The following RNF213 variants were observed in gnomAD, a reference collection of about 807,000 sequenced individuals.
RNF213 encodes the protein E3 ubiquitin-protein ligase RNF213.
A neutral mutation model predicts 514.4 loss-of-function variants in RNF213; 341 were observed. That is an observed-to-expected ratio of 0.66 (90% CI 0.61 to 0.73). RNF213 has a LOEUF of 0.73. RNF213 is among the 30% of genes least tolerant of loss of function. RNF213 has a pLI of 0.00. For synonymous variants in RNF213, 2,655 were observed against 2,658.2 expected (o/e 1.00, Z 0.04); for missense variants, 5,767 against 6,615.6 (o/e 0.87, Z 4.45).
chr17:80,349,503 G>C (rs1022123622), intron 29 of RNF213, among the ~76,000 whole-genome samples: 8 of 152,188 alleles, frequency 5.3e-5, no homozygotes, highest in Non-Finnish European at 7.3e-5. Flanking sequence ...GGACCAAGCA[G>C]GCAGAGACAC....
chr17:80,305,574 G>A (rs1055149004), intron 11 of RNF213, among the ~76,000 whole-genome samples: 4 of 151,220 alleles, frequency 2.6e-5, no homozygotes, highest in Admixed American at 6.6e-5. Flanking sequence ...TTCTTATTCC[G>A]TATTCTGAAT....
Position 80,383,058 on chromosome 17 carries a change from T to C in RNF213, c.14058T>C (p.Ser4686=). Residue 4686 remains serine, a synonymous_variant, in exon 58 of 68, where the codon TCT becomes TCC. Coordinates refer to ENST00000582970, the MANE Select transcript of RNF213 (RefSeq NM_001256071.3). The part of the protein sequence containing the change: ...NWEKEIAAVI[S]PELEHLDKTL... Reference sequence around the variant, plus strand: ...AAAAGGAAATCGCAGCTGTGATTTCTCCTGAACTGGAGGTAAGCAGTAAGT... The same window carrying C: ...AAAAGGAAATCGCAGCTGTGATTTCCCCTGAACTGGAGGTAAGCAGTAAGT... 1 of 1,612,046 alleles carries C rather than the reference T, an allele frequency of 6.2e-7. No homozygotes were observed. The highest frequency in any genetic ancestry group is 1.7e-4 in the Middle Eastern group (1 of 6,050).
At chr17:80,340,609 G>GT (rs747785477) in intron 26 of RNF213, 7,125 of 129,182 alleles carry the variant, frequency 0.055, 602 homozygotes, top group South Asian at 0.072. Flanking sequence ...GTACTTTGTG[G>GT]TTTTTTTTTT....
At chr17:80,313,226 C>A (rs1376070637) in intron 15 of RNF213, 59 bp downstream of exon 15, 1 of 1,602,244 alleles carries the variant, frequency 6.2e-7, no homozygotes, top group Admixed American at 1.7e-5. Flanking sequence ...TTCCTCATGG[C>A]CTCAAATCAT....
intron 36 of RNF213, 86 bp from the exon 37 acceptor site, chr17:80,358,202 C>G (rs2078904782): frequency 2.5e-6 from 3 of 1,183,366 alleles, no homozygotes; most frequent in Non-Finnish European, 3.8e-6. Context: ...TGTTAATGCT[C>G]AAGAAGGAAC....
chr17:80,358,284 G>A lies in RNF213; in HGVS notation c.10863-4G>A, dbSNP rs2078908229. On this transcript the variant is annotated splice_polypyrimidine_tract_variant and splice_region_variant and intron_variant, in intron 36 of 67. Transcript: ENST00000582970. ...TGGTGGCCCATCTCTCTTCTGTGCT[G>A]CAGGCACACCCTCTGGAAGCGGGTC... is the stretch of plus-strand genomic sequence containing the variant. 2 of 1,613,562 alleles carry A rather than the reference G, an allele frequency of 1.2e-6. No individual in the cohort carries two copies. The highest frequency in any genetic ancestry group is 1.7e-6 in the Non-Finnish European group (2 of 1,179,818).
At position 80,346,786 on chromosome 17, in the gene RNF213, C is replaced by T; in HGVS notation, c.8451C>T (p.Gly2817=). The change falls in exon 29 of 68, where the codon GGC becomes GGT. Residue 2817 remains glycine, a synonymous_variant. Coordinates refer to ENST00000582970, the MANE Select transcript of RNF213 (RefSeq NM_001256071.3). The surrounding 1 kb of genome is among the most constrained non-coding windows in gnomAD (Gnocchi z 8.1). ...FQCSPHSTPQ[G]IISTFRQCAR... ...GCAGCCCGCACTCCACCCCACAGGG[C>T]ATCATCAGCACCTTCCGGCAGTGCG... The T allele has an allele frequency of 6.2e-7, 1 of 1,614,030 alleles. No homozygotes were observed. Among genetic ancestry groups the T allele is most frequent in the East Asian group, 2.2e-5 (1 of 44,880 alleles).
intron 2 of RNF213, among the ~76,000 whole-genome samples, chr17:80,270,226 C>T (rs2145123291): frequency 6.6e-6 from 1 of 152,368 alleles, no homozygotes; most frequent in Admixed American, 6.5e-5. Context: ...CTCCCTGGCT[C>T]TGCCACCCAG....
In RNF213 at chr17:80,345,567, G is replaced by A. The variant is rs768216512; in HGVS notation, c.7232G>A (p.Arg2411Gln). The A allele has an allele frequency of 2.2e-5, 36 of 1,613,396 alleles. No individual in the cohort carries two copies. Among genetic ancestry groups the A allele is most frequent in the East Asian group, 1.6e-4 (7 of 44,888 alleles). ...LKILAIEMRFRCGIPVIIMGE... is the reference protein window; with the variant it reads ...LKILAIEMRFQCGIPVIIMGE... The stretch of plus-strand genomic sequence containing the variant: ...ATCCTTGCCATCGAGATGCGGTTCC[G>A]GTGTGGGATCCCGGTTATCATCATG... The change falls in exon 29 of 68, where the codon CGG becomes CAG. Residue 2411 changes from arginine (R) to glutamine (Q), a missense_variant. Arg to Gln is a conservative substitution (Grantham distance 43). Transcript: ENST00000582970. This position sits in a 1 kb window ranked among gnomAD's most constrained non-coding sequence, Gnocchi z 6.0.
At position 80,346,971 on chromosome 17, in the gene RNF213, T is replaced by C; in HGVS notation, c.8636T>C (p.Val2879Ala). 1 of 1,613,526 alleles carries C rather than the reference T, an allele frequency of 6.2e-7. No homozygotes were observed. Among genetic ancestry groups the C allele is most frequent in the Non-Finnish European group, 8.5e-7 (1 of 1,179,762 alleles). The stretch of plus-strand genomic sequence containing the variant: ...GACGATCCCGCCCCCCACAAAAAGG[T>C]CGGCTTCGTGGGCATCTCCAACTGG... ...IEDDPAPHKK[V>A]GFVGISNWAL... is the part of the protein sequence containing the mutation. Residue 2879 changes from valine (V) to alanine (A), a missense_variant, in exon 29 of 68, where the codon GTC becomes GCC. This residue lies in a region of RNF213 where 919 missense variants were observed against 1,121.0 expected (regional missense o/e 0.82). Coordinates refer to ENST00000582970, the MANE Select transcript of RNF213 (RefSeq NM_001256071.3). This position sits in a 1 kb window ranked among gnomAD's most constrained non-coding sequence, Gnocchi z 8.1.
intron 26 of RNF213, among the ~76,000 whole-genome samples, chr17:80,342,701 C>T (rs1036143139): frequency 1.4e-5 from 2 of 142,992 alleles, no homozygotes; most frequent in African/African-American, 5.2e-5. Context: ...TATATATATT[C>T]TATATATACA....
intron 16 of RNF213, 46 bp from the exon 17 acceptor site, chr17:80,319,144 C>G: frequency 6.2e-7 from 1 of 1,613,938 alleles, no homozygotes; most frequent in Non-Finnish European, 8.5e-7. Flanking sequence ...AGCACTGGAG[C>G]GCTGCATCCG....
rs1191136145 is a variant in RNF213, at chr17:80,347,341, T to C, written c.9006T>C (p.Asn3002=). ...AAGCTTTGGACATCTTTCTGGCCAA[T>C]TTGCCCGAGGCCAAGTGCTCAGAGG... The part of the protein sequence containing the change: ...DIQALDIFLA[N]LPEAKCSEEV... The change falls in exon 29 of 68, where the codon AAT becomes AAC. Residue 3002 remains asparagine (N), a synonymous_variant. Transcript: ENST00000582970. The surrounding 1 kb of genome is among the most constrained non-coding windows in gnomAD (Gnocchi z 7.2). 1 of 1,613,960 alleles carries C rather than the reference T, an allele frequency of 6.2e-7. No homozygotes were observed. The highest frequency in any genetic ancestry group is 1.1e-5 in the South Asian group (1 of 91,080).
At chr17:80,302,946 C>T (rs1326356830) in intron 11 of RNF213, among the ~76,000 whole-genome samples, 1 of 152,110 alleles carries the variant, frequency 6.6e-6, no homozygotes, top group East Asian at 1.9e-4. Flanking sequence ...GTCATAATGA[C>T]CACAGATTAA....
chr17:80,276,022 A>G (rs2044041019), intron 3 of RNF213, among the ~76,000 whole-genome samples: 1 of 150,300 alleles, frequency 6.7e-6, no homozygotes, highest in Non-Finnish European at 1.5e-5. Context: ...GGAAATCTCT[A>G]TCAAACTACT....
At chr17:80,367,938 T>C (rs758716546) in intron 43 of RNF213, 23 bp from the exon 44 acceptor site, 29 of 1,614,120 alleles carry the variant, frequency 1.8e-5, no homozygotes, top group Non-Finnish European at 2.4e-5. Context: ...GCTTCAGAAC[T>C]GATTGCCCTT....
At chr17:80,355,726 TGGACGGGAATGGGGGCTCAC>T in intron 36 of RNF213, among the ~76,000 whole-genome samples, 2 of 65,994 alleles carry the variant, frequency 3.0e-5, no homozygotes, top group African/African-American at 1.3e-4. Flanking sequence ...AGAAGCGGGG[TGGACGGGAATGGGGGCTCAC>T]GGAGGAAGAA....
rs1300295379 is a variant in RNF213 at position 80,334,242 on chromosome 17, C to T, written c.4281C>T (p.Phe1427=). ...GLQALSLRKE[F]ICWVREALGG... ...AGGCTCTGTCCCTGAGAAAGGAGTT[C>T]ATCTGCTGGGTCCGGGAGGCTCTTG... The change falls in exon 22 of 68, where the codon TTC becomes TTT. Residue 1427 remains phenylalanine (F), a synonymous_variant. Transcript: ENST00000582970. 11 of 1,536,918 alleles carry T rather than the reference C, an allele frequency of 7.2e-6. No individual in the cohort carries two copies. In the Admixed American group the frequency reaches 1.8e-4, roughly 25 times the overall value.
intron 48 of RNF213, 45 bp from the exon 49 acceptor site, chr17:80,372,930 C>T (rs1005420968): frequency 1.3e-6 from 2 of 1,582,608 alleles, no homozygotes; most frequent in African/African-American, 2.7e-5. Flanking sequence ...ACAATAAATG[C>T]CCTAAGTCAC....
Sources: gnomAD v4.1 joint callset for allele counts (sites outside exome capture counted in the v4.1 genomes callset) on GRCh38, gnomAD v4.1.1 for gene constraint, gnomAD v4.1.1 regional missense constraint, Gnocchi (gnomAD v3.1) non-coding constraint, MANE v1.5 for transcripts, NCBI Gene and HGNC (gene_info 2026-07-23, HGNC 2026-07-21) for gene names.